Variants in FANCC observed in about 807,000 individuals in gnomAD.
The protein encoded by FANCC is Fanconi anemia group C protein.
A neutral mutation model predicts 71.3 loss-of-function variants in FANCC; 55 were observed. The observed-to-expected ratio is 0.77, with a 90% CI of 0.62 to 0.97. The LOEUF (loss-of-function observed/expected upper bound fraction) is 0.97, where lower values mean the gene tolerates loss of function less well. Ranked by LOEUF, FANCC falls within the 50% of genes least tolerant of loss-of-function variation. The probability of loss-of-function intolerance (pLI) is 0.00; values close to 1 mark genes in which losing one functional copy is unlikely to be tolerated. For missense variants in FANCC, 678 were observed against 670.9 expected (o/e 1.01, Z -0.12); for synonymous variants, 275 against 244.9 (o/e 1.12, Z -1.15).
intron 4 of FANCC, among the ~76,000 whole-genome samples, chr9:95,186,112 A>C (rs1306997382): frequency 6.6e-6 from 1 of 152,158 alleles, no homozygotes; most frequent in African/African-American, 2.4e-5. Flanking sequence ...CTGCCTCTCA[A>C]GTATGCACTC....
At chr9:95,186,023 T>C (rs1403757254) in intron 4 of FANCC, among the ~76,000 whole-genome samples, 1 of 152,238 alleles carries the variant, frequency 6.6e-6, no homozygotes, top group Non-Finnish European at 1.5e-5. Context: ...TTTTTGTTTT[T>C]GTTTTTTAGG....
chr9:95,219,956 C>T (rs1829131149), intron 4 of FANCC, among the ~76,000 whole-genome samples: 1 of 152,156 alleles, frequency 6.6e-6, no homozygotes, highest in Admixed American at 6.5e-5. Context: ...AAAATTTTTG[C>T]AATCTAGCCA....
intron 1 of FANCC, among the ~76,000 whole-genome samples, chr9:95,309,448 C>A (rs544852349): frequency 1.7e-3 from 252 of 152,234 alleles, no homozygotes; most frequent in African/African-American, 5.7e-3. Context: ...TTATTATAAT[C>A]TTTAATATGT....
chr9:95,215,593 A>AGTGTAC (rs1828815696), intron 4 of FANCC, among the ~76,000 whole-genome samples: 1 of 152,122 alleles, frequency 6.6e-6, no homozygotes, highest in Non-Finnish European at 1.5e-5. Context: ...CTGCTAAGAG[A>AGTGTAC]GTACAGTATA....
Position 95,315,532 on chromosome 9 carries a change from G to A in FANCC, c.-79+1994C>T, listed in dbSNP as rs1835688275. Among the ~76,000 whole-genome samples the A allele has an allele frequency of 2.0e-5, 3 of 152,182 alleles. No homozygotes were observed. The South Asian group carries it at 6.2e-4, about 32-fold the overall frequency. On this transcript the variant is annotated intron_variant, in intron 1 of 14. Transcript: ENST00000289081. ...AGCCACCATGCTCTGCCTGTTATCT[G>A]AATTGCCTTTCCTTCTCCACTTCTG... is the stretch of plus-strand genomic sequence containing the variant.
chr9:95,126,842 C>T (rs1041773007), intron 8 of FANCC: 1 of 458,148 alleles, frequency 2.2e-6, no homozygotes, highest in Non-Finnish European at 4.0e-6. Context: ...AAAGCTCAGG[C>T]GATCCATAAT....
At chr9:95,251,976 T>C (rs1358439186) in intron 1 of FANCC, among the ~76,000 whole-genome samples, 1 of 151,974 alleles carries the variant, frequency 6.6e-6, no homozygotes, top group Non-Finnish European at 1.5e-5. Context: ...GTCTGTGTCC[T>C]TAAAGAAACA....
chr9:95,300,866 T>C (rs1448389298), intron 1 of FANCC, among the ~76,000 whole-genome samples: 1 of 152,128 alleles, frequency 6.6e-6, no homozygotes, highest in Admixed American at 6.5e-5. Context: ...AGAGAGCCAG[T>C]GGCAAAGATA....
rs1057522277 is a variant in FANCC at position 95,117,352 on chromosome 9, A to C, written c.1035T>G (p.Ser345=). 4.3e-6 allele frequency: 7 copies of C among 1,614,010 alleles called. No homozygotes were observed. Among genetic ancestry groups the C allele is most frequent in the Non-Finnish European group, 5.9e-6 (7 of 1,180,024 alleles). ...GCAGCAGCACCATGGCAAGAGATGG[A>C]GAAGTGTAAGGAAAGTAGGTCTTGA... ...FALKTYFPYT[S]PSLAMVLLQD... Residue 345 remains serine (S), a synonymous_variant, in exon 11 of 15, where the codon TCT becomes TCG. Coordinates refer to ENST00000289081, the MANE Select transcript of FANCC (RefSeq NM_000136.3).
chr9:95,153,390 T>C (rs750410965), intron 6 of FANCC, among the ~76,000 whole-genome samples: 8 of 152,248 alleles, frequency 5.3e-5, no homozygotes, highest in African/African-American at 9.6e-5. Context: ...CTGGATCAAA[T>C]AGATCTACTT....
intron 4 of FANCC, among the ~76,000 whole-genome samples, chr9:95,183,567 A>T (rs1306671692): frequency 6.6e-6 from 1 of 152,248 alleles, no homozygotes; most frequent in Non-Finnish European, 1.5e-5. Context: ...TGCAGGTCAT[A>T]AAATACCCAC....
intron 4 of FANCC, among the ~76,000 whole-genome samples, chr9:95,198,760 A>G (rs983078216): frequency 2.0e-5 from 3 of 151,986 alleles, no homozygotes; most frequent in Admixed American, 6.5e-5. Flanking sequence ...GGGGAGACAG[A>G]GTCTTACTAG....
At chr9:95,172,578 G>A (rs1477482019) in intron 4 of FANCC, among the ~76,000 whole-genome samples, 1 of 151,830 alleles carries the variant, frequency 6.6e-6, no homozygotes, top group Non-Finnish European at 1.5e-5. Context: ...CAATCATCAC[G>A]CTCATGAACT....
At chr9:95,246,609 T>C (rs545834875) in intron 3 of FANCC, among the ~76,000 whole-genome samples, 10 of 152,228 alleles carry the variant, frequency 6.6e-5, no homozygotes, top group Non-Finnish European at 1.3e-4. Flanking sequence ...CCATGGTTCC[T>C]GTTCTCGAGA....
chr9:95,146,815 C>A (rs1829634476), intron 7 of FANCC, among the ~76,000 whole-genome samples: 2 of 151,696 alleles, frequency 1.3e-5, no homozygotes, highest in African/African-American at 2.4e-5. Flanking sequence ...AGAACTGTTT[C>A]CAGAGAGGGA....
At chr9:95,137,924 G>T (rs573059821) in intron 7 of FANCC, among the ~76,000 whole-genome samples, 1 of 152,388 alleles carries the variant, frequency 6.6e-6, no homozygotes, top group East Asian at 1.9e-4. Context: ...TGGAGGTGAA[G>T]CCAGGACTGC....
At chr9:95,157,833 T>A (rs925731883) in intron 6 of FANCC, among the ~76,000 whole-genome samples, 3 of 152,182 alleles carry the variant, frequency 2.0e-5, no homozygotes, top group Non-Finnish European at 4.4e-5. Context: ...TGAGATTTTT[T>A]AAATTTTTCA....
chr9:95,114,632 T>C lies in FANCC; in HGVS notation c.1151A>G (p.His384Arg), dbSNP rs577302082. ...LLREAVEDQT[H>R]GSCGGPFESW... is the part of the protein sequence containing the mutation. ...GGAGTGGTCAGTGTTTGCTCACCCA[T>C]GAGTCTGGTCTTCAACTGCTTCTCT... Residue 384 changes from histidine (H) to arginine (R), a missense_variant, in exon 12 of 15, where the codon CAT becomes CGT. Coordinates refer to ENST00000289081, the MANE Select transcript of FANCC (RefSeq NM_000136.3). 5 of 1,610,210 alleles carry C rather than the reference T, an allele frequency of 3.1e-6. No homozygotes were observed. Among genetic ancestry groups the C allele is most frequent in the African/African-American group, 1.3e-5 (1 of 74,978 alleles).
intron 4 of FANCC, among the ~76,000 whole-genome samples, chr9:95,221,433 T>A (rs1043371906): frequency 5.3e-5 from 8 of 152,104 alleles, no homozygotes; most frequent in African/African-American, 1.9e-4. Context: ...AAACTTGACA[T>A]AGGCAAAAAT....
Sources: gnomAD v4.1 joint callset for allele counts (sites outside exome capture counted in the v4.1 genomes callset) on GRCh38, gnomAD v4.1.1 for gene constraint, MANE v1.5 for transcripts, NCBI Gene and HGNC (gene_info 2026-07-23, HGNC 2026-07-21) for gene names.